Variants in EML4 observed in about 807,000 individuals in gnomAD.
The protein encoded by EML4 is echinoderm microtubule-associated protein-like 4.
In EML4, 72 loss-of-function variants were observed where a neutral mutation model predicts 129.0. That is an observed-to-expected ratio of 0.56 (90% confidence interval 0.46 to 0.68). The LOEUF (loss-of-function observed/expected upper bound fraction) is 0.68, where lower values mean the gene tolerates loss of function less well. Ranked by LOEUF, EML4 falls within the 30% of genes least tolerant of loss-of-function variation. The pLI is 0.00. For synonymous variants in EML4, 532 were observed against 405.0 expected, an observed-to-expected ratio of 1.31 and a Z score of -3.77; for missense variants, 1,363 against 1,190.6, an observed-to-expected ratio of 1.14 and a Z score of -2.13.
At position 42,271,657 on chromosome 2, in the gene EML4, T is replaced by C. The variant is rs141710686; in HGVS notation, c.667+6926T>C. Among the ~76,000 whole-genome samples, 476 of 152,316 alleles carry C rather than the reference T, an allele frequency of 3.1e-3. 1 individual carries two copies. The highest frequency in any genetic ancestry group is 5.9e-3 in the Admixed American group (90 of 15,292). On this transcript the variant is annotated intron_variant, in intron 6 of 22. Coordinates refer to ENST00000318522, the MANE Select transcript of EML4 (RefSeq NM_019063.5). ...AACGTTCTAATCTTATACGTATTTA[T>C]TGTGGTTAAAGTCTTTTCATTCAAA...
chr2:42,248,715 T>C (rs1675572538), intron 2 of EML4, among the ~76,000 whole-genome samples: 1 of 152,192 alleles, frequency 6.6e-6, no homozygotes, highest in African/African-American at 2.4e-5. Flanking sequence ...TTTTAAATTA[T>C]ACTTCATAAT....
chr2:42,248,665 T>G (rs1675569994), intron 2 of EML4, among the ~76,000 whole-genome samples: 1 of 152,166 alleles, frequency 6.6e-6, no homozygotes, highest in Non-Finnish European at 1.5e-5. Context: ...TTAATTCTTT[T>G]TAATAACCTT....
intron 6 of EML4, among the ~76,000 whole-genome samples, chr2:42,269,319 T>C (rs1260098405): frequency 6.6e-6 from 1 of 152,246 alleles, no homozygotes; most frequent in Non-Finnish European, 1.5e-5. Flanking sequence ...TGAATAATCT[T>C]GTCATTCTAA....
intron 17 of EML4, among the ~76,000 whole-genome samples, chr2:42,306,031 T>G (rs915347673): frequency 1.3e-5 from 2 of 152,222 alleles, no homozygotes; most frequent in African/African-American, 2.4e-5. Context: ...AATTGAATTA[T>G]GAATGTGAAA....
At chr2:42,256,762 G>A in intron 3 of EML4, 132 bp downstream of exon 3, 1 of 1,147,292 alleles carries the variant, frequency 8.7e-7, no homozygotes, top group Non-Finnish European at 1.2e-6. Flanking sequence ...TTCTTAAACT[G>A]TGAAAGTAGA....
chr2:42,209,959 C>CA (rs901230900), intron 1 of EML4, among the ~76,000 whole-genome samples: 48 of 148,546 alleles, frequency 3.2e-4, no homozygotes, highest in Middle Eastern at 3.2e-3. Context: ...AACAAACAAA[C>CA]AAAAAAACCA....
intron 17 of EML4, among the ~76,000 whole-genome samples, chr2:42,308,408 G>T (rs1052262468): frequency 6.6e-6 from 1 of 152,110 alleles, no homozygotes; most frequent in Non-Finnish European, 1.5e-5. Context: ...TACTCGGGAG[G>T]CTGAGGCAGG....
intron 1 of EML4, among the ~76,000 whole-genome samples, chr2:42,234,439 T>C (rs968861819): frequency 6.6e-6 from 1 of 152,232 alleles, no homozygotes; most frequent in African/African-American, 2.4e-5. Flanking sequence ...GGGGTTCCTC[T>C]ACCCTTAAGA....
chr2:42,298,495 T>A (rs1052560824), intron 13 of EML4, among the ~76,000 whole-genome samples: 2 of 152,142 alleles, frequency 1.3e-5, no homozygotes, highest in African/African-American at 4.8e-5. Context: ...AAGAAAGACA[T>A]CTTTGGCTAT....
chr2:42,209,769 A>T (rs775130182), intron 1 of EML4, among the ~76,000 whole-genome samples: 2 of 152,182 alleles, frequency 1.3e-5, no homozygotes, highest in Non-Finnish European at 2.9e-5. Flanking sequence ...GTCTCTATTA[A>T]AAATACAAAA....
intron 1 of EML4, among the ~76,000 whole-genome samples, chr2:42,228,681 C>T (rs79716870): frequency 0.016 from 2,406 of 152,236 alleles, 79 homozygotes; most frequent in African/African-American, 0.055. Flanking sequence ...ATTCTTTTCT[C>T]TCCTGGTAAA....
chr2:42,254,400 G>C (rs951101596), intron 2 of EML4, among the ~76,000 whole-genome samples: 5 of 151,398 alleles, frequency 3.3e-5, no homozygotes, highest in African/African-American at 1.2e-4. Flanking sequence ...CGTGGCAGCA[G>C]TGAGCCATGA....
intron 1 of EML4, among the ~76,000 whole-genome samples, chr2:42,239,755 C>CT (rs1011127679): frequency 6.5e-5 from 8 of 123,344 alleles, no homozygotes; most frequent in African/African-American, 2.2e-4. Context: ...TACTCCTACT[C>CT]TATAATAAAG....
intron 3 of EML4, 111 bp downstream of exon 3, chr2:42,256,741 T>A: frequency 7.5e-7 from 1 of 1,333,234 alleles, no homozygotes; most frequent in South Asian, 1.4e-5. Context: ...CAAGTGAGCA[T>A]GTCCTTTGAA....
chr2:42,305,048 G>A (rs1009239951), intron 17 of EML4, among the ~76,000 whole-genome samples: 5 of 152,124 alleles, frequency 3.3e-5, no homozygotes, highest in Admixed American at 6.5e-5. Context: ...GAACCTGGGA[G>A]ACAGTTGCAG....
chr2:42,169,627 G>A lies in EML4; in HGVS notation c.16G>A (p.Gly6Ser). The A allele has an allele frequency of 6.2e-7, 1 of 1,601,948 alleles. No homozygotes were observed. Among genetic ancestry groups the A allele is most frequent in the Non-Finnish European group, 8.5e-7 (1 of 1,174,784 alleles). The change falls in exon 1 of 23, where the codon GGC (glycine) becomes AGC (serine). Residue 6 changes from glycine (G) to serine (S), a missense_variant. Transcript: ENST00000318522. ...TCCCCGCAAGATGGACGGTTTCGCC[G>A]GCAGTCTCGGTGAGTACGGCTGGGG... is the stretch of plus-strand genomic sequence containing the variant. MDGFA[G>S]SLDDSISAAS...
chr2:42,228,034 A>G (rs1305477161), intron 1 of EML4, among the ~76,000 whole-genome samples: 1 of 152,162 alleles, frequency 6.6e-6, no homozygotes, highest in Non-Finnish European at 1.5e-5. Context: ...AGCCTGGCCA[A>G]CATGGTGAAA....
chr2:42,326,227 C>G lies in EML4; in HGVS notation c.2316C>G (p.Thr772=), dbSNP rs1215992336. The change falls in exon 21 of 23, where the codon ACC becomes ACG. Residue 772 remains threonine, a synonymous_variant. Transcript: ENST00000318522. The part of the protein sequence containing the change: ...DCKDIDWTTY[T]CVLGFQVFGV... Reference sequence around the variant, plus strand: ...AGGACATTGATTGGACGACATATACCTGTGTGCTAGGATTTCAAGTATTTG... The same window carrying G: ...AGGACATTGATTGGACGACATATACGTGTGTGCTAGGATTTCAAGTATTTG... The G allele has an allele frequency of 1.2e-6, 2 of 1,612,570 alleles. No homozygotes were observed. The highest frequency in any genetic ancestry group is 1.7e-6 in the Non-Finnish European group (2 of 1,179,234).
rs1462950937 is a variant in EML4, at chr2:42,331,803, G to C, written c.*1596G>C. 4.5e-6 allele frequency: 1 copy of C among 222,338 alleles called. No homozygotes were observed. Among genetic ancestry groups the C allele is most frequent in the African/African-American group, 2.2e-5 (1 of 44,740 alleles). 13.8% of individuals were successfully genotyped at this position (222,338 alleles called of 1,614,324 possible). ...TCACACGCTGTATGGAAGGGTGTGG[G>C]TGTGTGTGAAGGGGCGAGTGGAGAC... On this transcript the variant is annotated 3_prime_UTR_variant, in exon 23 of 23. Transcript: ENST00000318522.
Sources: gnomAD v4.1 joint callset for allele counts (sites outside exome capture counted in the v4.1 genomes callset) on GRCh38, gnomAD v4.1.1 for gene constraint, MANE v1.5 for transcripts, NCBI Gene and HGNC (gene_info 2026-07-23, HGNC 2026-07-21) for gene names.